The following MFSD6 variants were observed in gnomAD, a reference collection of about 807,000 sequenced individuals.
The protein encoded by MFSD6 is major facilitator superfamily domain-containing protein 6.
A neutral mutation model predicts 56.3 loss-of-function variants in MFSD6; 26 were observed. The observed-to-expected ratio is 0.46, with a 90% CI of 0.34 to 0.64. The LOEUF (loss-of-function observed/expected upper bound fraction) is 0.64. Ranked by LOEUF, MFSD6 falls within the 30% of genes least tolerant of loss-of-function variation. The probability of loss-of-function intolerance (pLI) is 0.01; values close to 1 mark genes in which losing one functional copy is unlikely to be tolerated. For synonymous variants in MFSD6, 331 were observed against 366.9 expected, an observed-to-expected ratio of 0.90 and a Z score of 1.12; for missense variants, 750 against 986.2, an observed-to-expected ratio of 0.76 and a Z score of 3.21.
At chr2:190,464,108 C>T (rs919425988) in intron 3 of MFSD6, among the ~76,000 whole-genome samples, 2 of 152,202 alleles carry the variant, frequency 1.3e-5, no homozygotes, top group Non-Finnish European at 2.9e-5. Context: ...CTTCATCTCC[C>T]ACCCTGGCCT....
chr2:190,493,021 C>T (rs1281546259), intron 6 of MFSD6, among the ~76,000 whole-genome samples: 1 of 151,810 alleles, frequency 6.6e-6, no homozygotes, highest in Non-Finnish European at 1.5e-5. Flanking sequence ...TGGAATAGTA[C>T]CTCACATTTC....
rs1275913054 is a variant in MFSD6, at chr2:190,418,032, T to C, written c.-54+2619T>C. ...AGAGAGAGAGAGATGTGGTTTATCA[T>C]TGCTTGTCAATGATAAAGCAAGTCT... On this transcript the variant is annotated intron_variant, in intron 2 of 7. Transcript: ENST00000392328. This position sits in a 1 kb window ranked among gnomAD's most constrained non-coding sequence, Gnocchi z 4.1. Among the ~76,000 whole-genome samples, 2 of 150,988 alleles carry C rather than the reference T, an allele frequency of 1.3e-5. No homozygotes were observed. The highest frequency in any genetic ancestry group is 2.4e-5 in the African/African-American group (1 of 41,028).
rs1345299262 is a variant in MFSD6 at position 190,424,405 on chromosome 2, G to A, written c.-54+8992G>A. Among the ~76,000 whole-genome samples, 2 of 151,328 alleles carry A rather than the reference G, an allele frequency of 1.3e-5. No homozygotes were observed. Among genetic ancestry groups the A allele is most frequent in the East Asian group, 1.9e-4 (1 of 5,170 alleles). On this transcript the variant is annotated intron_variant, in intron 2 of 7. Coordinates refer to ENST00000392328, the MANE Select transcript of MFSD6 (RefSeq NM_017694.4). The surrounding 1 kb of genome is among the most constrained non-coding windows in gnomAD (Gnocchi z 5.9). ...GGCTGGAGTGCAATGGCTCTGTCTC[G>A]GCTCACTGCAACCTCCGCCTCCCAG...
Position 190,411,223 on chromosome 2 carries a change from G to A in MFSD6, c.-176+2720G>A, listed in dbSNP as rs868582540. On this transcript the variant is annotated intron_variant, in intron 1 of 7. Coordinates refer to ENST00000392328, the MANE Select transcript of MFSD6 (RefSeq NM_017694.4). ...TCACCAGGCTGGAGTGCAGTGGCTC[G>A]ATCTCGGCCTACTGCAACCTCTGCC... 18 of 737,702 alleles carry A rather than the reference G, an allele frequency of 2.4e-5. No homozygotes were observed. The South Asian group carries it at 7.5e-4, about 31-fold the overall frequency. 45.7% of individuals were successfully genotyped at this position (737,702 alleles called of 1,614,324 possible). A position where few individuals can be genotyped will look rare whatever the true frequency, so the allele number is the denominator to read the frequency against.
rs1254680319 is a variant in MFSD6 at position 190,467,973 on chromosome 2, G to A, written c.1533-1785G>A. ...TTAATGTGTGGTCCTTTATAGAAAAGTGTTTGCTGACCCCTGAGTTAGGGT... is the reference window on the plus strand; with the variant it reads ...TTAATGTGTGGTCCTTTATAGAAAAATGTTTGCTGACCCCTGAGTTAGGGT... On this transcript the variant is annotated intron_variant, in intron 3 of 7. Transcript: ENST00000392328. The surrounding 1 kb of genome is among the most constrained non-coding windows in gnomAD (Gnocchi z 5.5). 6.6e-6 allele frequency among the ~76,000 whole-genome samples: 1 copy of A among 152,214 alleles called. No individual in the cohort carries two copies. The highest frequency in any genetic ancestry group is 1.5e-5 in the Non-Finnish European group (1 of 68,038).
chr2:190,448,479 G>A (rs1318212369), intron 3 of MFSD6, among the ~76,000 whole-genome samples: 1 of 152,090 alleles, frequency 6.6e-6, no homozygotes, highest in African/African-American at 2.4e-5. Flanking sequence ...TTAATGCAGG[G>A]GTTAAAAGAA....
rs1687822723 is a variant in MFSD6, at chr2:190,469,928, A to G, written c.1630+73A>G. 1 of 1,045,310 alleles carries G rather than the reference A, an allele frequency of 9.6e-7. No homozygotes were observed. The highest frequency in any genetic ancestry group is 2.5e-5 in the East Asian group (1 of 40,036). 64.8% of individuals were successfully genotyped at this position (1,045,310 alleles called of 1,614,324 possible). On this transcript the variant is annotated intron_variant, in intron 4 of 7. Transcript: ENST00000392328. The surrounding 1 kb of genome is among the most constrained non-coding windows in gnomAD (Gnocchi z 5.3). ...TGTGGCTAAAAGCCCAGTGGCCTTC[A>G]GCATCTGATTCTATAAAGGAAGGGC...
Position 190,433,925 on chromosome 2 carries a change from T to C in MFSD6, c.-53-2052T>C, listed in dbSNP as rs939349248. On this transcript the variant is annotated intron_variant, in intron 2 of 7. Coordinates refer to ENST00000392328, the MANE Select transcript of MFSD6 (RefSeq NM_017694.4). This position sits in a 1 kb window ranked among gnomAD's most constrained non-coding sequence, Gnocchi z 4.5. ...GTGAAAGGAGGCAGGGTGCAGTGGT[T>C]CACGCCTGTAATCCCAGCACTTTGG... is the stretch of plus-strand genomic sequence containing the variant. Among the ~76,000 whole-genome samples, 1 of 152,154 alleles carries C rather than the reference T, an allele frequency of 6.6e-6. No individual in the cohort carries two copies. Among genetic ancestry groups the C allele is most frequent in the East Asian group, 1.9e-4 (1 of 5,202 alleles).
In MFSD6 at chr2:190,416,387, G is replaced by A. The variant is rs1347184247; in HGVS notation, c.-54+974G>A. ...AGGTCCTTTCTTTCAGATTTATGAT[G>A]TTACAAATATAAGTAAAATGTTTCT... On this transcript the variant is annotated intron_variant, in intron 2 of 7. Coordinates refer to ENST00000392328, the MANE Select transcript of MFSD6 (RefSeq NM_017694.4). This position sits in a 1 kb window ranked among gnomAD's most constrained non-coding sequence, Gnocchi z 4.1. 6.6e-6 allele frequency among the ~76,000 whole-genome samples: 1 copy of A among 152,150 alleles called. No individual in the cohort carries two copies. The highest frequency in any genetic ancestry group is 6.5e-5 in the Admixed American group (1 of 15,276).
intron 1 of MFSD6, among the ~76,000 whole-genome samples, chr2:190,414,834 C>T (rs1054294107): frequency 7.2e-5 from 11 of 152,142 alleles, no homozygotes; most frequent in African/African-American, 2.4e-4. Flanking sequence ...CCTGATAACA[C>T]TTTGGTGTCA....
chr2:190,489,637 C>A lies in MFSD6; in HGVS notation c.1793-131C>A. 1.3e-6 allele frequency: 1 copy of A among 787,180 alleles called. No homozygotes were observed. Among genetic ancestry groups the A allele is most frequent in the Non-Finnish European group, 2.0e-6 (1 of 496,540 alleles). 48.8% of individuals were successfully genotyped at this position (787,180 alleles called of 1,614,324 possible). A position where few individuals can be genotyped will look rare whatever the true frequency, so the allele number is the denominator to read the frequency against. The stretch of plus-strand genomic sequence containing the variant: ...GTTTTTCCATTATGTGGAGCTAATA[C>A]CCAACTACTTTTCTCTGGTTTGTCT... On this transcript the variant is annotated intron_variant, in intron 5 of 7. Coordinates refer to ENST00000392328, the MANE Select transcript of MFSD6 (RefSeq NM_017694.4). This position sits in a 1 kb window ranked among gnomAD's most constrained non-coding sequence, Gnocchi z 6.6.
chr2:190,436,016 G>A lies in MFSD6; in HGVS notation c.-14G>A, dbSNP rs1346005426. The A allele has an allele frequency of 1.9e-6, 3 of 1,592,590 alleles. No homozygotes were observed. The highest frequency in any genetic ancestry group is 1.1e-5 in the South Asian group (1 of 88,526). ...TTCTGAAGTTTGTAAACTTGCTGAT[G>A]GTGGTGGTAAGCCATGGCAGATGAT... On this transcript the variant is annotated 5_prime_UTR_variant, in exon 3 of 8. An upstream start codon of the reference 5' UTR is lost. Coordinates refer to ENST00000392328, the MANE Select transcript of MFSD6 (RefSeq NM_017694.4). This position sits in a 1 kb window ranked among gnomAD's most constrained non-coding sequence, Gnocchi z 5.3.
At chr2:190,475,010 A>T (rs1688204575) in intron 4 of MFSD6, among the ~76,000 whole-genome samples, 1 of 152,224 alleles carries the variant, frequency 6.6e-6, no homozygotes, top group Non-Finnish European at 1.5e-5. Flanking sequence ...TGCAAAATTC[A>T]ACAACCCTTC....
chr2:190,415,931 CT>C lies in MFSD6; in HGVS notation c.-54+520del, dbSNP rs1690756777. Among the ~76,000 whole-genome samples the C allele has an allele frequency of 6.6e-6, 1 of 152,178 alleles. No homozygotes were observed. The highest frequency in any genetic ancestry group is 6.5e-5 in the Admixed American group (1 of 15,280). On this transcript the variant is annotated intron_variant, in intron 2 of 7. Coordinates refer to ENST00000392328, the MANE Select transcript of MFSD6 (RefSeq NM_017694.4). This position sits in a 1 kb window ranked among gnomAD's most constrained non-coding sequence, Gnocchi z 4.5. ...TATAGATTGTGCTTTATTTAACCCTCTTAACTTCCTCAGTGTCTAATAGTGT... is the reference window on the plus strand; with the variant it reads ...TATAGATTGTGCTTTATTTAACCCTCTAACTTCCTCAGTGTCTAATAGTGT...
chr2:190,450,472 T>C (rs914839018), intron 3 of MFSD6, among the ~76,000 whole-genome samples: 2 of 144,016 alleles, frequency 1.4e-5, no homozygotes, highest in African/African-American at 5.0e-5. Flanking sequence ...GCTAACTTTT[T>C]CTTTTTCTCT....
At position 190,434,939 on chromosome 2, in the gene MFSD6, T is replaced by C. The variant is rs924902934; in HGVS notation, c.-53-1038T>C. Among the ~76,000 whole-genome samples, 2 of 152,174 alleles carry C rather than the reference T, an allele frequency of 1.3e-5. No individual in the cohort carries two copies. Among genetic ancestry groups the C allele is most frequent in the African/African-American group, 4.8e-5 (2 of 41,436 alleles). The stretch of plus-strand genomic sequence containing the variant: ...CCTCCTGTCAGATCAGCAGAGGTAT[T>C]AGATTTGCATAGGAGCATGAACGCT... On this transcript the variant is annotated intron_variant, in intron 2 of 7. Coordinates refer to ENST00000392328, the MANE Select transcript of MFSD6 (RefSeq NM_017694.4). This position sits in a 1 kb window ranked among gnomAD's most constrained non-coding sequence, Gnocchi z 4.3.
intron 2 of MFSD6, among the ~76,000 whole-genome samples, chr2:190,428,880 C>T (rs2125023701): frequency 6.6e-6 from 1 of 152,076 alleles, no homozygotes; most frequent in South Asian, 2.1e-4. Flanking sequence ...GCCACATTGG[C>T]CAGGCTGGTC....
chr2:190,436,253 A>G lies in MFSD6; in HGVS notation c.224A>G (p.Tyr75Cys). The G allele has an allele frequency of 6.2e-7, 1 of 1,613,730 alleles. No homozygotes were observed. The highest frequency in any genetic ancestry group is 1.3e-5 in the African/African-American group (1 of 74,900). Reference protein sequence around the residue: ...NNDLLISKVFYFFFYSAYGSL... With the variant: ...NNDLLISKVFCFFFYSAYGSL... ...GATCTTCTAATTTCCAAGGTCTTTT[A>G]TTTTTTCTTTTACTCTGCCTATGGC... is the stretch of plus-strand genomic sequence containing the variant. Residue 75 changes from tyrosine (Y) to cysteine (C), a missense_variant, in exon 3 of 8, where the codon TAT becomes TGT. By Grantham distance (194) the Tyr-to-Cys change is radical. Transcript: ENST00000392328. This position sits in a 1 kb window ranked among gnomAD's most constrained non-coding sequence, Gnocchi z 5.3.
intron 2 of MFSD6, among the ~76,000 whole-genome samples, chr2:190,430,833 C>A (rs1685955670): frequency 6.9e-6 from 1 of 145,766 alleles, no homozygotes; most frequent in Non-Finnish European, 1.5e-5. Flanking sequence ...GGGCGGCCGG[C>A]CGGGCGGGGG....
Sources: gnomAD v4.1 joint callset for allele counts (sites outside exome capture counted in the v4.1 genomes callset) on GRCh38, gnomAD v4.1.1 for gene constraint, Gnocchi (gnomAD v3.1) non-coding constraint, MANE v1.5 for transcripts, NCBI Gene and HGNC (gene_info 2026-07-23, HGNC 2026-07-21) for gene names.